CACNA2D1: variants seen among roughly 807,000 people sequenced by gnomAD.
CACNA2D1 encodes the protein voltage-dependent calcium channel subunit alpha-2/delta-1.
Under a neutral mutation model 171.5 loss-of-function variants are expected in CACNA2D1, and 53 were observed. The ratio of observed to expected loss-of-function variants is 0.31; its 90% CI spans 0.25 to 0.39. CACNA2D1 has a LOEUF of 0.39. Among genes scored for constraint, CACNA2D1 ranks in the 10% least tolerant of loss-of-function variants. The pLI is 1.00. For synonymous variants in CACNA2D1, 442 were observed against 443.1 expected (o/e 1.00, Z 0.03); for missense variants, 903 against 1,299.8 (o/e 0.69, Z 4.69).
At chr7:82,214,337 A>G (rs1363044148) in intron 3 of CACNA2D1, among the ~76,000 whole-genome samples, 1 of 152,154 alleles carries the variant, frequency 6.6e-6, no homozygotes, top group African/African-American at 2.4e-5. Context: ...TGTATGATAC[A>G]ATTCAATAGT....
At chr7:82,365,071 C>T (rs1353170762) in intron 1 of CACNA2D1, among the ~76,000 whole-genome samples, 4 of 151,736 alleles carry the variant, frequency 2.6e-5, no homozygotes, top group East Asian at 1.9e-4. Context: ...TCAGATAACC[C>T]AAAGGAAAAC....
chr7:82,261,635 G>T (rs561701959), intron 3 of CACNA2D1, among the ~76,000 whole-genome samples: 1 of 152,006 alleles, frequency 6.6e-6, no homozygotes, highest in Non-Finnish European at 1.5e-5. Context: ...CAATCGTATC[G>T]CAAAGATTAT....
intron 1 of CACNA2D1, among the ~76,000 whole-genome samples, chr7:82,409,363 C>T (rs1220940769): frequency 6.6e-6 from 1 of 151,992 alleles, no homozygotes; most frequent in Non-Finnish European, 1.5e-5. Flanking sequence ...ACAGAGTTCC[C>T]CAATTTTTTA....
chr7:82,124,730 T>G (rs1421478356), intron 5 of CACNA2D1, among the ~76,000 whole-genome samples: 2 of 152,222 alleles, frequency 1.3e-5, no homozygotes, highest in Admixed American at 1.3e-4. Flanking sequence ...TTTTCTTTCA[T>G]TGCTTTCTGC....
rs11341064 is a variant in CACNA2D1 at position 82,255,998 on chromosome 7, CG to C, written c.294+79136del. ...ATGAACTAAAGTTTGACTATCAGGC[CG>C]GGTGCAGTGGCTCACACCTGTAATC... On this transcript the variant is annotated intron_variant, in intron 3 of 38. Coordinates refer to ENST00000356860, the MANE Select transcript of CACNA2D1 (RefSeq NM_000722.4). Among the ~76,000 whole-genome samples, 1,171 of 152,142 alleles carry C rather than the reference CG, an allele frequency of 7.7e-3. 13 individuals carry two copies. The highest frequency in any genetic ancestry group is 0.027 in the African/African-American group (1,121 of 41,510).
intron 1 of CACNA2D1, among the ~76,000 whole-genome samples, chr7:82,408,066 G>A (rs944873554): frequency 6.6e-6 from 1 of 150,720 alleles, no homozygotes; most frequent in South Asian, 2.1e-4. Context: ...TGTTGCCCAG[G>A]CTGGAGTGCA....
chr7:82,228,064 G>A (rs1245961226), intron 3 of CACNA2D1, among the ~76,000 whole-genome samples: 1 of 152,106 alleles, frequency 6.6e-6, no homozygotes, highest in Non-Finnish European at 1.5e-5. Context: ...TATGGCAACG[G>A]CAAAGGGATT....
chr7:81,995,023 G>C (rs1357047786), intron 19 of CACNA2D1, 84 bp from the exon 20 acceptor site: 4 of 742,062 alleles, frequency 5.4e-6, no homozygotes, highest in African/African-American at 5.2e-5. Context: ...AGTTTTTCAA[G>C]TTCTTTACCT....
chr7:82,311,272 T>C (rs1041179082), intron 3 of CACNA2D1, among the ~76,000 whole-genome samples: 2 of 152,036 alleles, frequency 1.3e-5, no homozygotes, highest in African/African-American at 4.8e-5. Flanking sequence ...AGGAGGTTCA[T>C]GGAAAAGACT....
chr7:82,157,517 C>T lies in CACNA2D1; in HGVS notation c.354+13033G>A, dbSNP rs141722584. Among the ~76,000 whole-genome samples the T allele has an allele frequency of 4.5e-3, 681 of 152,084 alleles. 5 individuals are homozygous for T. Among genetic ancestry groups the T allele is most frequent in the South Asian group, 0.018 (86 of 4,816 alleles). ...AGGTTATTAAATTTATGAATCAGAA[C>T]GTCAGAGAAAACCTTGTAAAAATAG... On this transcript the variant is annotated intron_variant, in intron 4 of 38. Coordinates refer to ENST00000356860, the MANE Select transcript of CACNA2D1 (RefSeq NM_000722.4).
chr7:82,439,442 A>C (rs1350720477), intron 1 of CACNA2D1, among the ~76,000 whole-genome samples: 1 of 151,904 alleles, frequency 6.6e-6, no homozygotes, highest in East Asian at 1.9e-4. Context: ...TAAAGCTCTT[A>C]TCTATTGTCA....
chr7:82,271,234 A>T lies in CACNA2D1; in HGVS notation c.294+63901T>A, dbSNP rs186772476. 2.8e-4 allele frequency among the ~76,000 whole-genome samples: 42 copies of T among 152,220 alleles called. No homozygotes were observed. In the East Asian group the frequency reaches 8.1e-3, roughly 29 times the overall value. On this transcript the variant is annotated intron_variant, in intron 3 of 38. Coordinates refer to ENST00000356860, the MANE Select transcript of CACNA2D1 (RefSeq NM_000722.4). ...ACCTCAAATTCATCATGTAGAAAAGAAAAGTACCACTTTCTCTAGAAACTA... is the reference window on the plus strand; with the variant it reads ...ACCTCAAATTCATCATGTAGAAAAGTAAAGTACCACTTTCTCTAGAAACTA...
At chr7:81,959,028 G>A (rs988785225) in intron 38 of CACNA2D1, among the ~76,000 whole-genome samples, 3 of 151,984 alleles carry the variant, frequency 2.0e-5, no homozygotes, top group Non-Finnish European at 2.9e-5. Flanking sequence ...GAGTTAAATT[G>A]ATTGGAATTG....
At position 82,213,922 on chromosome 7, in the gene CACNA2D1, T is replaced by C. The variant is rs539506532; in HGVS notation, c.295-43313A>G. On this transcript the variant is annotated intron_variant, in intron 3 of 38. Transcript: ENST00000356860. The stretch of plus-strand genomic sequence containing the variant: ...CTTTTAAGCAACAGAAATGTATTTC[T>C]CACAGTTCTGGAGGCTGGGAAGTCC... 2.6e-5 allele frequency among the ~76,000 whole-genome samples: 4 copies of C among 152,306 alleles called. No individual in the cohort carries two copies. In the South Asian group the frequency reaches 8.3e-4, roughly 32 times the overall value.
At chr7:82,011,324 T>C (rs1799747939) in intron 15 of CACNA2D1, among the ~76,000 whole-genome samples, 1 of 151,984 alleles carries the variant, frequency 6.6e-6, no homozygotes, top group Non-Finnish European at 1.5e-5. Flanking sequence ...AGTGTACAAG[T>C]TTATGTTGGG....
intron 24 of CACNA2D1, among the ~76,000 whole-genome samples, chr7:81,975,675 T>C (rs1242372017): frequency 6.6e-6 from 1 of 152,214 alleles, no homozygotes; most frequent in Non-Finnish European, 1.5e-5. Flanking sequence ...GCATCCGTGA[T>C]TTTGTAAAAT....
At chr7:82,077,796 C>T (rs1809183814) in intron 7 of CACNA2D1, among the ~76,000 whole-genome samples, 1 of 147,580 alleles carries the variant, frequency 6.8e-6, no homozygotes, top group South Asian at 2.1e-4. Flanking sequence ...TTAGAGAAAA[C>T]CAAAAGCAGT....
At position 81,968,975 on chromosome 7, in the gene CACNA2D1, TA is replaced by T. The variant is rs762936617; in HGVS notation, c.2309-3del. ...ATTCATAGGCACCAGGTCCACTTTC[TA>T]AAAAAAAAATAAATAAATAAAACAC... On this transcript the variant is annotated splice_region_variant and splice_polypyrimidine_tract_variant and intron_variant, in intron 28 of 38. Coordinates refer to ENST00000356860, the MANE Select transcript of CACNA2D1 (RefSeq NM_000722.4). 4.6e-3 allele frequency: 6,348 copies of T among 1,370,444 alleles called. No individual in the cohort carries two copies. The highest frequency in any genetic ancestry group is 5.2e-3 in the Non-Finnish European group (5,167 of 993,658). The allele number at this position is 1,370,444 out of a possible 1,614,324, so 84.9% of individuals were successfully genotyped here. A position where few individuals can be genotyped will look rare whatever the true frequency, so the allele number is the denominator to read the frequency against.
chr7:81,972,088 C>G (rs1353978506), intron 25 of CACNA2D1, among the ~76,000 whole-genome samples: 1 of 151,366 alleles, frequency 6.6e-6, no homozygotes, highest in African/African-American at 2.4e-5. Context: ...TCTAAATGAG[C>G]CAAATTATTT....
Sources: gnomAD v4.1 joint callset for allele counts (sites outside exome capture counted in the v4.1 genomes callset) on GRCh38, gnomAD v4.1.1 for gene constraint, MANE v1.5 for transcripts, NCBI Gene and HGNC (gene_info 2026-07-23, HGNC 2026-07-21) for gene names.